The following MEIKIN variants were observed in gnomAD, a reference collection of about 807,000 sequenced individuals.
The protein encoded by MEIKIN is meiotic kinetochore factor, also known as meiosis-specific kinetochore protein.
chr5:131,864,902 C>T (rs1159156303), intron 9 of MEIKIN, among the ~76,000 whole-genome samples: 2 of 152,154 alleles, frequency 1.3e-5, no homozygotes, highest in African/African-American at 4.8e-5. Context: ...AGGCATTGCT[C>T]ATTCTTGTTA....
intron 11 of MEIKIN, among the ~76,000 whole-genome samples, chr5:131,835,123 T>G (rs2149608358): frequency 6.6e-6 from 1 of 151,620 alleles, no homozygotes; most frequent in East Asian, 1.9e-4. Flanking sequence ...CCTTTGAGCA[T>G]TTTTTAATCT....
intron 8 of MEIKIN, among the ~76,000 whole-genome samples, chr5:131,885,793 C>T (rs1219930007): frequency 1.3e-5 from 2 of 152,184 alleles, no homozygotes; most frequent in South Asian, 2.1e-4. Context: ...GAGCACCAAA[C>T]AGGCTCACCA....
chr5:131,841,659 C>T (rs1048085726), intron 11 of MEIKIN, among the ~76,000 whole-genome samples: 7 of 152,090 alleles, frequency 4.6e-5, no homozygotes, highest in African/African-American at 1.2e-4. Context: ...ATGATTGTAA[C>T]GAATCTGTAG....
intron 11 of MEIKIN, among the ~76,000 whole-genome samples, chr5:131,832,361 C>T (rs1749729665): frequency 6.6e-6 from 1 of 152,124 alleles, no homozygotes; most frequent in African/African-American, 2.4e-5. Flanking sequence ...CACACTGATG[C>T]AAAAGGTGGG....
At chr5:131,833,735 A>G (rs901735760) in intron 11 of MEIKIN, among the ~76,000 whole-genome samples, 1 of 152,170 alleles carries the variant, frequency 6.6e-6, no homozygotes, top group African/African-American at 2.4e-5. Flanking sequence ...TTACCTCCCA[A>G]TGGGTCCCTC....
chr5:131,920,121 C>A (rs1289642273), intron 6 of MEIKIN, among the ~76,000 whole-genome samples: 1 of 152,158 alleles, frequency 6.6e-6, no homozygotes, highest in Non-Finnish European at 1.5e-5. Context: ...AAATGTGTTT[C>A]TTACAGGAGC....
rs59435888 is a variant in MEIKIN, at chr5:131,863,557, C to CTTTTTTTTTTTTTTTTT, written c.775-8740_775-8724dup. Among the ~76,000 whole-genome samples, 28 of 68,430 alleles carry CTTTTTTTTTTTTTTTTT rather than the reference C, an allele frequency of 4.1e-4. 1 individual carries two copies. Among genetic ancestry groups the CTTTTTTTTTTTTTTTTT allele is most frequent in the African/African-American group, 7.8e-4 (10 of 12,854 alleles). 44.9% of individuals were successfully genotyped at this position (68,430 alleles called of 152,430 possible). On this transcript the variant is annotated intron_variant, in intron 9 of 12. Transcript: ENST00000442687. ...TCATTATATAATGACCTTCTTTGTC[C>CTTTTTTTTTTTTTTTTT]TTTTTTTTTTTTTTTTTTTTTTTTT...
At chr5:131,913,146 G>A (rs963941584) in intron 7 of MEIKIN, among the ~76,000 whole-genome samples, 6 of 152,216 alleles carry the variant, frequency 3.9e-5, no homozygotes, top group African/African-American at 7.2e-5. Context: ...ACCTATCACC[G>A]GAGCTCTCTC....
chr5:131,896,514 C>G (rs1561748519), intron 8 of MEIKIN, among the ~76,000 whole-genome samples: 1 of 152,158 alleles, frequency 6.6e-6, no homozygotes, highest in Non-Finnish European at 1.5e-5. Flanking sequence ...GTGTGGGAGT[C>G]TAAGTCTCTT....
intron 2 of MEIKIN, 143 bp downstream of exon 2, chr5:131,945,013 C>T: frequency 2.5e-6 from 1 of 398,180 alleles, no homozygotes; most frequent in Middle Eastern, 6.3e-4. Context: ...ATTTTGGGGT[C>T]CATGTTCTGA....
chr5:131,865,894 T>G (rs1261845599), intron 9 of MEIKIN, among the ~76,000 whole-genome samples: 1 of 152,212 alleles, frequency 6.6e-6, no homozygotes, highest in African/African-American at 2.4e-5. Flanking sequence ...GGATGCCAAG[T>G]AGACTGGTCT....
intron 11 of MEIKIN, among the ~76,000 whole-genome samples, chr5:131,820,081 T>G (rs1463222547): frequency 6.9e-6 from 1 of 144,652 alleles, no homozygotes; most frequent in African/African-American, 2.6e-5. Context: ...GGCCTTTTTT[T>G]TTTTTTTTGA....
chr5:131,850,160 A>AC, intron 11 of MEIKIN, among the ~76,000 whole-genome samples: 1 of 152,178 alleles, frequency 6.6e-6, no homozygotes, highest in Non-Finnish European at 1.5e-5. Context: ...AAAACTATAA[A>AC]ACATTGGTAA....
intron 11 of MEIKIN, among the ~76,000 whole-genome samples, chr5:131,837,350 T>C (rs1580866081): frequency 6.6e-6 from 1 of 152,210 alleles, no homozygotes; most frequent in African/African-American, 2.4e-5. Flanking sequence ...CAGGATCTTT[T>C]ATGTTTTCAT....
At chr5:131,847,125 G>A (rs1208070578) in intron 11 of MEIKIN, among the ~76,000 whole-genome samples, 1 of 151,960 alleles carries the variant, frequency 6.6e-6, no homozygotes, top group Non-Finnish European at 1.5e-5. Flanking sequence ...AAAGAAGACA[G>A]TAATGTAGAA....
intron 10 of MEIKIN, among the ~76,000 whole-genome samples, chr5:131,851,850 C>G (rs950508277): frequency 6.6e-6 from 1 of 152,048 alleles, no homozygotes; most frequent in African/African-American, 2.4e-5. Flanking sequence ...TGCAAAAAAC[C>G]AACACTATGC....
intron 4 of MEIKIN, among the ~76,000 whole-genome samples, chr5:131,940,702 T>C (rs1219951427): frequency 6.6e-6 from 1 of 152,282 alleles, no homozygotes; most frequent in South Asian, 2.1e-4. Flanking sequence ...ACCTGTATTC[T>C]AGGTGGGGAT....
At chr5:131,895,076 T>C (rs956902105) in intron 8 of MEIKIN, among the ~76,000 whole-genome samples, 1 of 152,182 alleles carries the variant, frequency 6.6e-6, no homozygotes, top group African/African-American at 2.4e-5. Context: ...ATACCTAGTT[T>C]ATTGAAAATT....
In MEIKIN at chr5:131,816,074, G is replaced by A. The variant is rs1055975611; in HGVS notation, c.1099+2666C>T. ...GCAAGAAGAAGGGTGAACATTGCCCGAAACTTTGTATCCTCTTCTGGGGAA... is the reference window on the plus strand; with the variant it reads ...GCAAGAAGAAGGGTGAACATTGCCCAAAACTTTGTATCCTCTTCTGGGGAA... On this transcript the variant is annotated intron_variant, in intron 12 of 12. Coordinates refer to ENST00000442687, the MANE Select transcript of MEIKIN (RefSeq NM_001303622.2). Among the ~76,000 whole-genome samples the A allele has an allele frequency of 6.6e-5, 10 of 152,172 alleles. No homozygotes were observed. The East Asian group carries it at 7.7e-4, about 12-fold the overall frequency.
Sources: gnomAD v4.1 joint callset for allele counts (sites outside exome capture counted in the v4.1 genomes callset) on GRCh38, gnomAD v4.1.1 for gene constraint, MANE v1.5 for transcripts, NCBI Gene and HGNC (gene_info 2026-07-23, HGNC 2026-07-21) for gene names.